SHISA9: variants seen among roughly 807,000 people sequenced by gnomAD.
SHISA9 encodes protein shisa-9.
Under a neutral mutation model 38.0 loss-of-function variants are expected in SHISA9, and 13 were observed. That is an observed-to-expected ratio of 0.34 (90% CI 0.22 to 0.54). SHISA9 has a LOEUF of 0.54. SHISA9 is among the 20% of genes least tolerant of loss of function. SHISA9 has a pLI of 0.91. For missense variants in SHISA9, 538 were observed against 575.8 expected, an observed-to-expected ratio of 0.93 and a Z score of 0.67; for synonymous variants, 275 against 242.0, an observed-to-expected ratio of 1.14 and a Z score of -1.27.
At chr16:13,329,780 T>C in the SHISA9 span, among the ~76,000 whole-genome samples, 2 of 152,126 alleles carry the variant, frequency 1.3e-5, no homozygotes, top group African/African-American at 4.8e-5. Flanking sequence ...AGCTAAATGA[T>C]GGCTTATTGT....
At chr16:12,914,138 C>T (rs746706798) in intron 1 of SHISA9, among the ~76,000 whole-genome samples, 23 of 151,122 alleles carry the variant, frequency 1.5e-4, no homozygotes, top group Non-Finnish European at 2.1e-4. Flanking sequence ...CCCTGCCTCC[C>T]GGGTTCAAGC....
intron 4 of SHISA9, among the ~76,000 whole-genome samples, chr16:13,215,533 G>C (rs536428682): frequency 6.6e-6 from 1 of 152,058 alleles, no homozygotes; most frequent in African/African-American, 2.4e-5. Context: ...TTCCCTCCCT[G>C]TGAAAAACAA....
intron 2 of SHISA9, among the ~76,000 whole-genome samples, chr16:13,083,563 T>C (rs528598446): frequency 9.9e-5 from 15 of 152,274 alleles, no homozygotes; most frequent in Admixed American, 7.8e-4. Context: ...CTAGGTCAGC[T>C]ATTCTTCAGC....
At chr16:13,530,919 C>T in the SHISA9 span, among the ~76,000 whole-genome samples, 3 of 152,202 alleles carry the variant, frequency 2.0e-5, no homozygotes, top group South Asian at 6.2e-4. Context: ...AAAGTTTTCT[C>T]AAGGAATCTC....
At chr16:13,423,282 T>C in the SHISA9 span, among the ~76,000 whole-genome samples, 1 of 152,236 alleles carries the variant, frequency 6.6e-6, no homozygotes, top group Non-Finnish European at 1.5e-5. Context: ...CACCAGCCTC[T>C]GGCCATCTGA....
chr16:13,472,127 C>T, the SHISA9 span, among the ~76,000 whole-genome samples: 1 of 152,214 alleles, frequency 6.6e-6, no homozygotes, highest in South Asian at 2.1e-4. Flanking sequence ...TTTAAGTGGG[C>T]TCATTGATCT....
At chr16:13,507,728 T>C in the SHISA9 span, among the ~76,000 whole-genome samples, 1 of 152,144 alleles carries the variant, frequency 6.6e-6, no homozygotes, top group African/African-American at 2.4e-5. Flanking sequence ...CTGCCAGCCC[T>C]GATTCAGGTC....
intron 2 of SHISA9, among the ~76,000 whole-genome samples, chr16:12,979,846 C>T (rs2072217182): frequency 6.6e-6 from 1 of 152,164 alleles, no homozygotes. Flanking sequence ...TAATAAAATA[C>T]GAGCTTAGCA....
the SHISA9 span, among the ~76,000 whole-genome samples, chr16:13,520,985 G>T: frequency 1.3e-5 from 2 of 152,086 alleles, no homozygotes; most frequent in African/African-American, 4.8e-5. Flanking sequence ...TTTCATTGTC[G>T]TGAGAACACT....
chr16:13,371,664 A>C, the SHISA9 span, among the ~76,000 whole-genome samples: 1 of 152,354 alleles, frequency 6.6e-6, no homozygotes, highest in South Asian at 2.1e-4. Context: ...ATGATGAAGA[A>C]CCTTCCCCTC....
chr16:13,408,711 A>G, the SHISA9 span, among the ~76,000 whole-genome samples: 8 of 152,226 alleles, frequency 5.3e-5, no homozygotes, highest in African/African-American at 1.7e-4. Context: ...TTTTGCCTTC[A>G]TACATTTCAA....
the SHISA9 span, among the ~76,000 whole-genome samples, chr16:13,534,906 GT>G: frequency 6.6e-6 from 1 of 151,842 alleles, no homozygotes; most frequent in African/African-American, 2.4e-5. Context: ...TCACCTATAT[GT>G]TGATGATCCC....
the SHISA9 span, among the ~76,000 whole-genome samples, chr16:13,432,494 A>G: frequency 6.6e-6 from 1 of 152,220 alleles, no homozygotes; most frequent in East Asian, 1.9e-4. Flanking sequence ...TGCATTCTAG[A>G]CAAGGCTCTA....
At chr16:13,490,586 G>A in the SHISA9 span, among the ~76,000 whole-genome samples, 1 of 152,074 alleles carries the variant, frequency 6.6e-6, no homozygotes, top group African/African-American at 2.4e-5. Context: ...AAGCAAATGA[G>A]GACAGAACCT....
chr16:13,466,587 A>G, the SHISA9 span, among the ~76,000 whole-genome samples: 1 of 152,194 alleles, frequency 6.6e-6, no homozygotes, highest in African/African-American at 2.4e-5. Context: ...GTTTTTTTAA[A>G]AAAAGTAATT....
At chr16:13,179,502 A>G (rs1018822948) in intron 2 of SHISA9, among the ~76,000 whole-genome samples, 3 of 151,458 alleles carry the variant, frequency 2.0e-5, no homozygotes, top group African/African-American at 7.4e-5. Flanking sequence ...TTAAATTTAT[A>G]CAGTCATAGA....
the SHISA9 span, among the ~76,000 whole-genome samples, chr16:13,526,558 A>AT: frequency 1.3e-5 from 2 of 151,728 alleles, no homozygotes; most frequent in Admixed American, 6.6e-5. Context: ...TAATTTTTGT[A>AT]TTTTTTTAGT....
intron 2 of SHISA9, among the ~76,000 whole-genome samples, chr16:12,963,732 C>T (rs2071940931): frequency 6.6e-6 from 1 of 152,204 alleles, no homozygotes; most frequent in African/African-American, 2.4e-5. Flanking sequence ...GATTTAAATA[C>T]TTCCATTTCT....
At chr16:13,367,440 A>C in the SHISA9 span, among the ~76,000 whole-genome samples, 3 of 151,524 alleles carry the variant, frequency 2.0e-5, no homozygotes, top group Admixed American at 1.3e-4. Context: ...GAAAAGACGG[A>C]AATATTATCA....
Sources: allele counts gnomAD v4.1 joint callset (sites outside exome capture counted in the v4.1 genomes callset), GRCh38; gene constraint gnomAD v4.1.1; transcripts MANE v1.5; gene names NCBI Gene and HGNC (gene_info 2026-07-23, HGNC 2026-07-21).